Variants in SCOC observed in about 807,000 individuals in gnomAD.
SCOC encodes short coiled coil protein.
A neutral mutation model predicts 9.9 loss-of-function variants in SCOC; 7 were observed. The observed-to-expected ratio is 0.71, with a 90% confidence interval of 0.40 to 1.33. The LOEUF (loss-of-function observed/expected upper bound fraction) is 1.33, where lower values mean the gene tolerates loss of function less well. Among genes scored for constraint, SCOC ranks in the 40% most tolerant of loss-of-function variants. The pLI, the probability that SCOC is intolerant of heterozygous loss-of-function variation, is 0.01. For synonymous variants in SCOC, 19 were observed against 28.2 expected, an observed-to-expected ratio of 0.67 and a Z score of 1.03; for missense variants, 66 against 89.7, an observed-to-expected ratio of 0.74 and a Z score of 1.07.
intron 1 of SCOC, among the ~76,000 whole-genome samples, chr4:140,314,781 G>A (rs1732262959): frequency 6.6e-6 from 1 of 152,146 alleles, no homozygotes; most frequent in Non-Finnish European, 1.5e-5. Context: ...GCAATGAGAA[G>A]TTGGCCTCAG....
upstream of SCOC, among the ~76,000 whole-genome samples, chr4:140,371,848 G>A (rs1014819446): frequency 6.6e-6 from 1 of 152,184 alleles, no homozygotes; most frequent in African/African-American, 2.4e-5. Flanking sequence ...TAGCCAAAAG[G>A]AGGAAGCAAC....
At chr4:140,339,516 C>G (rs1489737316), upstream of SCOC, among the ~76,000 whole-genome samples, 1 of 152,140 alleles carries the variant, frequency 6.6e-6, no homozygotes, top group Non-Finnish European at 1.5e-5. Flanking sequence ...AACAGGCAAC[C>G]TACGGAATGG....
At chr4:140,287,993 C>G (rs1731347382) in intron 1 of SCOC, among the ~76,000 whole-genome samples, 1 of 152,038 alleles carries the variant, frequency 6.6e-6, no homozygotes, top group South Asian at 2.1e-4. Context: ...ACACATACTA[C>G]ATGCACCACA....
At chr4:140,319,869 G>T (rs1180435328) in intron 1 of SCOC, among the ~76,000 whole-genome samples, 1 of 152,150 alleles carries the variant, frequency 6.6e-6, no homozygotes, top group African/African-American at 2.4e-5. Flanking sequence ...CCTGCAGGGA[G>T]AAACAGTATT....
intron 1 of SCOC, among the ~76,000 whole-genome samples, chr4:140,331,174 C>T (rs984148865): frequency 6.6e-5 from 10 of 152,162 alleles, no homozygotes; most frequent in Non-Finnish European, 1.0e-4. Context: ...ATAGCATTTT[C>T]TTAATCTAAT....
In SCOC at chr4:140,328,665, C is replaced by T. The variant is rs577029223; in HGVS notation, c.-18-14956C>T. Among the ~76,000 whole-genome samples, 182 of 152,290 alleles carry T rather than the reference C, an allele frequency of 1.2e-3. 3 individuals carry two copies. The South Asian group carries it at 0.026, about 22-fold the overall frequency. Reference sequence around the variant, plus strand: ...TGATCTGGGTGTTGGATACATATTACGTATCTGTACTCTTATAATTTGCAC... The same window carrying T: ...TGATCTGGGTGTTGGATACATATTATGTATCTGTACTCTTATAATTTGCAC... On this transcript the variant is annotated intron_variant, in intron 1 of 4. Transcript: ENST00000394205.
At chr4:140,299,321 A>C (rs903296196) in intron 1 of SCOC, among the ~76,000 whole-genome samples, 1 of 152,214 alleles carries the variant, frequency 6.6e-6, no homozygotes, top group Non-Finnish European at 1.5e-5. Context: ...TGTGAGAAAC[A>C]TACACAGAAA....
At chr4:140,371,040 C>T (rs1372538728), upstream of SCOC, among the ~76,000 whole-genome samples, 1 of 152,062 alleles carries the variant, frequency 6.6e-6, no homozygotes, top group Non-Finnish European at 1.5e-5. Context: ...CGCCCGCCAC[C>T]ACGCCCAGCT....
chr4:140,285,350 T>C (rs1201146761), intron 1 of SCOC: 3 of 450,440 alleles, frequency 6.7e-6, no homozygotes, highest in Admixed American at 2.4e-5. Flanking sequence ...CACAAACAGG[T>C]CTTTGAAAAT....
chr4:140,374,187 T>G (rs1322483792), intron 1 of SCOC: 1 of 457,434 alleles, frequency 2.2e-6, no homozygotes, highest in Admixed American at 2.4e-5. Flanking sequence ...AAATAAGGAT[T>G]GGACCATTTT....
intron 1 of SCOC, among the ~76,000 whole-genome samples, chr4:140,275,985 G>C (rs541242903): frequency 1.3e-5 from 2 of 151,796 alleles, no homozygotes; most frequent in East Asian, 3.9e-4. Context: ...CACTATGCCC[G>C]GCTAATTTTT....
intron 1 of SCOC, among the ~76,000 whole-genome samples, chr4:140,378,177 A>T (rs1429938221): frequency 3.9e-5 from 6 of 151,998 alleles, no homozygotes; most frequent in Non-Finnish European, 5.9e-5. Context: ...ATGAATGGAC[A>T]TTTTTTCATT....
chr4:140,329,705 A>G (rs530840727), intron 1 of SCOC, among the ~76,000 whole-genome samples: 1 of 152,208 alleles, frequency 6.6e-6, no homozygotes, highest in Non-Finnish European at 1.5e-5. Flanking sequence ...AAAAATGCTC[A>G]ATATCACTAA....
intron 1 of SCOC, among the ~76,000 whole-genome samples, chr4:140,307,836 G>T (rs1274281428): frequency 3.3e-5 from 5 of 152,156 alleles, no homozygotes; most frequent in Non-Finnish European, 7.4e-5. Flanking sequence ...TCAAATAGTG[G>T]TCATGACAAG....
chr4:140,338,697 C>A (rs1244854867), upstream of SCOC, among the ~76,000 whole-genome samples: 2 of 152,132 alleles, frequency 1.3e-5, no homozygotes, highest in Non-Finnish European at 2.9e-5. Context: ...CTCCCATTCA[C>A]AATTGCTTCA....
At chr4:140,366,304 G>T in intron 2 of SCOC, 1 of 1,441,366 alleles carries the variant, frequency 6.9e-7, no homozygotes, top group East Asian at 2.4e-5. Context: ...TGAGCTTTTG[G>T]AGGAGGCGCT....
chr4:140,280,679 G>C (rs1445773106), intron 1 of SCOC, among the ~76,000 whole-genome samples: 2 of 152,210 alleles, frequency 1.3e-5, no homozygotes, highest in Admixed American at 1.3e-4. Flanking sequence ...CCTAAAAAGA[G>C]CTAATTAAGT....
intron 1 of SCOC, among the ~76,000 whole-genome samples, chr4:140,322,013 A>G (rs1732513144): frequency 6.6e-6 from 1 of 152,194 alleles, no homozygotes; most frequent in African/African-American, 2.4e-5. Context: ...AGGATGCAGC[A>G]AGGAGCTCTA....
chr4:140,323,002 T>C (rs536970794), intron 1 of SCOC, among the ~76,000 whole-genome samples: 2 of 152,066 alleles, frequency 1.3e-5, no homozygotes, highest in Admixed American at 1.3e-4. Flanking sequence ...CATAAATAAA[T>C]GAAATTGAAA....
Sources: allele counts gnomAD v4.1 joint callset (sites outside exome capture counted in the v4.1 genomes callset), GRCh38; gene constraint gnomAD v4.1.1; transcripts MANE v1.5; gene names NCBI Gene and HGNC (gene_info 2026-07-23, HGNC 2026-07-21).